Variants in PLEKHM1 observed in about 807,000 individuals in gnomAD.
PLEKHM1 encodes pleckstrin homology and RUN domain containing M1, also known as pleckstrin homology domain-containing family M member 1.
PLEKHM1 carries 28 observed loss-of-function variants against 94.3 expected under a neutral mutation model. The observed-to-expected ratio is 0.30, with a 90% CI of 0.22 to 0.41. The LOEUF (loss-of-function observed/expected upper bound fraction) is 0.41, where lower values mean the gene tolerates loss of function less well. PLEKHM1 is among the 10% of genes least tolerant of loss of function. PLEKHM1 has a pLI of 1.00. For synonymous variants in PLEKHM1, 424 were observed against 581.2 expected, an observed-to-expected ratio of 0.73 and a Z score of 3.89; for missense variants, 907 against 1,358.6, an observed-to-expected ratio of 0.67 and a Z score of 5.22.
chr17:45,457,560 CAA>C (rs562466401), intron 6 of PLEKHM1, among the ~76,000 whole-genome samples: 15 of 126,968 alleles, frequency 1.2e-4, no homozygotes, highest in South Asian at 2.5e-4. Flanking sequence ...AACTCCACCT[CAA>C]AAAAAAAAAA....
intron 6 of PLEKHM1, chr17:45,454,513 G>C (rs1490892457): frequency 1.6e-6 from 1 of 617,818 alleles, no homozygotes; most frequent in Non-Finnish European, 2.9e-6. Flanking sequence ...GCACCCAAAA[G>C]ATCCCCTCCA....
At position 45,437,823 on chromosome 17, in the gene PLEKHM1, C is replaced by A; in HGVS notation, c.*35G>T. The A allele has an allele frequency of 6.7e-7, 1 of 1,500,162 alleles. No homozygotes were observed. Among genetic ancestry groups the A allele is most frequent in the African/African-American group, 1.4e-5 (1 of 72,904 alleles). 92.9% of individuals were successfully genotyped at this position (1,500,162 alleles called of 1,614,324 possible). On this transcript the variant is annotated 3_prime_UTR_variant, in exon 12 of 12. Transcript: ENST00000430334. This position sits in a 1 kb window ranked among gnomAD's most constrained non-coding sequence, Gnocchi z 4.0. ...AGCCGGGATGGCTGAGCCACACTCA[C>A]CCCCGGCTTTCAGAGCGGGGTCAGC...
At chr17:45,485,585 C>A (rs1777503663) in intron 1 of PLEKHM1, among the ~76,000 whole-genome samples, 1 of 152,096 alleles carries the variant, frequency 6.6e-6, no homozygotes, top group South Asian at 2.1e-4. Context: ...AGTGCTCTGG[C>A]CAAGTAACAG....
rs1325832034 is a variant in PLEKHM1, at chr17:45,437,133, G to A, written c.*725C>T. 2.2e-6 allele frequency: 1 copy of A among 454,136 alleles called. No individual in the cohort carries two copies. The highest frequency in any genetic ancestry group is 6.9e-5 in the East Asian group (1 of 14,396). The allele number at this position is 454,136 out of a possible 1,614,324, so 28.1% of individuals were successfully genotyped here. A position where few individuals can be genotyped will look rare whatever the true frequency, so the allele number is the denominator to read the frequency against. ...AAGGCCCCAGGCTAGAGAAGAGCTA[G>A]GGGCTCTGACGCTGAGAAAGCGGTG... On this transcript the variant is annotated 3_prime_UTR_variant, in exon 12 of 12. Transcript: ENST00000430334. The surrounding 1 kb of genome is among the most constrained non-coding windows in gnomAD (Gnocchi z 4.0).
At chr17:45,479,355 T>C (rs1413324632) in intron 2 of PLEKHM1, among the ~76,000 whole-genome samples, 1 of 151,654 alleles carries the variant, frequency 6.6e-6, no homozygotes, top group African/African-American at 2.4e-5. Flanking sequence ...CCATCTCTAC[T>C]AAAAATGCAA....
At position 45,440,207 on chromosome 17, in the gene PLEKHM1, G is replaced by A; in HGVS notation, c.2857C>T (p.Leu953Phe). The change falls in exon 10 of 12, where the codon CTC becomes TTC. Residue 953 changes from leucine to phenylalanine, a missense_variant. Transcript: ENST00000430334. ...LSKRLNHRNY[L>F]LESPHRFSVA... ...CTGAACCTATGCGGAGATTCCAAGA[G>A]ATAATTCCTGTGGTTGAGCCTTCAA... 1 of 1,614,174 alleles carries A rather than the reference G, an allele frequency of 6.2e-7. No homozygotes were observed. Among genetic ancestry groups the A allele is most frequent in the Non-Finnish European group, 8.5e-7 (1 of 1,179,980 alleles).
chr17:45,454,777 A>G (rs1244548378), intron 6 of PLEKHM1: 1 of 233,012 alleles, frequency 4.3e-6, no homozygotes, highest in East Asian at 1.0e-4. Flanking sequence ...GCACTTCCCT[A>G]ATGACCACCA....
chr17:45,473,101 C>T (rs2051569016), intron 4 of PLEKHM1, among the ~76,000 whole-genome samples: 1 of 151,948 alleles, frequency 6.6e-6, no homozygotes, highest in Non-Finnish European at 1.5e-5. Flanking sequence ...AATCTGTGAA[C>T]ATTCCATATT....
Position 45,453,910 on chromosome 17 carries a change from G to C in PLEKHM1, c.1942C>G (p.Pro648Ala). ...GAGAGGCAGCCCTGGGGCGCCTCGGGGGGTTCCTCAGGCTGGTCTGGGTAC... is the reference window on the plus strand; with the variant it reads ...GAGAGGCAGCCCTGGGGCGCCTCGGCGGGTTCCTCAGGCTGGTCTGGGTAC... The part of the protein sequence containing the change: ...VQYPDQPEEP[P>A]EAPQGCLSPS... Residue 648 changes from proline to alanine, a missense_variant, in exon 7 of 12, where the codon CCC becomes GCC. Transcript: ENST00000430334. The surrounding 1 kb of genome is among the most constrained non-coding windows in gnomAD (Gnocchi z 4.1). The C allele has an allele frequency of 6.2e-7, 1 of 1,613,814 alleles. No individual in the cohort carries two copies. Among genetic ancestry groups the C allele is most frequent in the Non-Finnish European group, 8.5e-7 (1 of 1,179,768 alleles).
At chr17:45,442,602 A>G (rs1372902659) in intron 9 of PLEKHM1, among the ~76,000 whole-genome samples, 1 of 152,076 alleles carries the variant, frequency 6.6e-6, no homozygotes, top group Non-Finnish European at 1.5e-5. Flanking sequence ...ACGGGGTTTC[A>G]CTATGTTGGC....
At chr17:45,463,432 GC>G (rs1176369942) in intron 5 of PLEKHM1, among the ~76,000 whole-genome samples, 1 of 152,110 alleles carries the variant, frequency 6.6e-6, no homozygotes, top group Non-Finnish European at 1.5e-5. Flanking sequence ...TTACTCTGTT[GC>G]CCAGGCTGGA....
chr17:45,449,766 C>T (rs560348936), intron 8 of PLEKHM1, among the ~76,000 whole-genome samples: 2 of 151,238 alleles, frequency 1.3e-5, no homozygotes, highest in East Asian at 3.9e-4. Context: ...ATCCACCTAG[C>T]CACCTGCTCA....
chr17:45,437,720 T>C lies in PLEKHM1; in HGVS notation c.*138A>G. The C allele has an allele frequency of 1.3e-6, 1 of 753,308 alleles. No individual in the cohort carries two copies. Among genetic ancestry groups the C allele is most frequent in the Non-Finnish European group, 2.3e-6 (1 of 425,752 alleles). 46.7% of individuals were successfully genotyped at this position (753,308 alleles called of 1,614,324 possible). A position where few individuals can be genotyped will look rare whatever the true frequency, so the allele number is the denominator to read the frequency against. On this transcript the variant is annotated 3_prime_UTR_variant, in exon 12 of 12. Transcript: ENST00000430334. The surrounding 1 kb of genome is among the most constrained non-coding windows in gnomAD (Gnocchi z 4.0). ...TGGGCTTTCTCTGGGAGGCCGGTGC[T>C]CTGGCCACATCTGAGGGTCTTCCTG...
rs2050378392 is a variant in PLEKHM1, at chr17:45,439,626, G to A, written c.2910C>T (p.Asp970=). 8 of 1,613,902 alleles carry A rather than the reference G, an allele frequency of 5.0e-6. No individual in the cohort carries two copies. Among genetic ancestry groups the A allele is most frequent in the African/African-American group, 4.0e-5 (3 of 74,896 alleles). Residue 970 remains aspartate (D), a synonymous_variant, in exon 11 of 12, where the codon GAC becomes GAT. Coordinates refer to ENST00000430334, the MANE Select transcript of PLEKHM1 (RefSeq NM_014798.3). ...CCTTGAGGAATCCTTCATACACCCC[G>A]TCTGCGATCTGCGGAGGGCAAGTAG... The part of the protein sequence containing the change: ...FSVADLQQIA[D]GVYEGFLKAL...
In PLEKHM1 at chr17:45,453,992, C is replaced by T. The variant is rs2050863531; in HGVS notation, c.1860G>A (p.Val620=). The change falls in exon 7 of 12, where the codon GTG becomes GTA. Residue 620 remains valine (V), a synonymous_variant. Coordinates refer to ENST00000430334, the MANE Select transcript of PLEKHM1 (RefSeq NM_014798.3). The surrounding 1 kb of genome is among the most constrained non-coding windows in gnomAD (Gnocchi z 4.1). Reference sequence around the variant, plus strand: ...GCCGGACCTTCTGCAGGGCCTCCCGCACCCGGTCCAGCCAGTCCTCAGCTT... The same window carrying T: ...GCCGGACCTTCTGCAGGGCCTCCCGTACCCGGTCCAGCCAGTCCTCAGCTT... ...QDEAEDWLDR[V]REALQKVRPQ... is the part of the protein sequence containing the mutation. 6.2e-7 allele frequency: 1 copy of T among 1,613,924 alleles called. No homozygotes were observed.
At position 45,472,544 on chromosome 17, in the gene PLEKHM1, C is replaced by A. The variant is rs550061099; in HGVS notation, c.923+2556G>T. Among the ~76,000 whole-genome samples the A allele has an allele frequency of 3.9e-5, 6 of 152,254 alleles. No homozygotes were observed. In the East Asian group the frequency reaches 1.2e-3, roughly 29 times the overall value. On this transcript the variant is annotated intron_variant, in intron 4 of 11. Coordinates refer to ENST00000430334, the MANE Select transcript of PLEKHM1 (RefSeq NM_014798.3). ...GGAAGGGCTAAGACAGGTGAGTGAA[C>A]CTAGGTCATGCCCTGTGCCTGGGTC... is the stretch of plus-strand genomic sequence containing the variant.
intron 9 of PLEKHM1, chr17:45,441,033 C>T (rs1374764245): frequency 2.6e-5 from 4 of 152,514 alleles, no homozygotes; most frequent in Admixed American, 6.5e-5. Flanking sequence ...CAGCCGCCAA[C>T]GCAGCTCTAG....
chr17:45,461,712 C>T (rs1048467761), intron 5 of PLEKHM1, among the ~76,000 whole-genome samples: 21 of 152,138 alleles, frequency 1.4e-4, no homozygotes, highest in Non-Finnish European at 2.2e-4. Context: ...CTGTCTCTGC[C>T]GCCCACTTCT....
intron 11 of PLEKHM1, 22 bp downstream of exon 11, chr17:45,439,455 G>C (rs765395192): frequency 6.2e-7 from 1 of 1,613,774 alleles, no homozygotes; most frequent in Admixed American, 1.7e-5. Flanking sequence ...CTGGAAGGCG[G>C]CTGGCTGGGT....
Sources: allele counts gnomAD v4.1 joint callset (sites outside exome capture counted in the v4.1 genomes callset), GRCh38; gene constraint gnomAD v4.1.1; non-coding constraint Gnocchi (gnomAD v3.1); transcripts MANE v1.5; gene names NCBI Gene and HGNC (gene_info 2026-07-23, HGNC 2026-07-21).